The following MAD1L1 variants were observed in gnomAD, a reference collection of about 807,000 sequenced individuals.
The protein encoded by MAD1L1 is mitotic spindle assembly checkpoint protein MAD1.
MAD1L1 carries 95 observed loss-of-function variants against 96.9 expected under a neutral mutation model. The observed-to-expected ratio is 0.98, with a 90% CI of 0.83 to 1.16. The LOEUF (loss-of-function observed/expected upper bound fraction) is 1.16. Among genes scored for constraint, MAD1L1 ranks in the 50% most tolerant of loss-of-function variants. The probability of loss-of-function intolerance (pLI) is 0.00; values close to 1 mark genes in which losing one functional copy is unlikely to be tolerated. For synonymous variants in MAD1L1, 473 were observed against 396.6 expected (o/e 1.19, Z -2.29); for missense variants, 1,007 against 954.4 (o/e 1.06, Z -0.73).
intron 11 of MAD1L1, among the ~76,000 whole-genome samples, chr7:2,104,756 A>G (rs1036268540): frequency 1.3e-5 from 2 of 152,160 alleles, no homozygotes; most frequent in Admixed American, 6.5e-5. Flanking sequence ...CTTTGCCATG[A>G]AAGACCTCAC....
At chr7:1,897,355 G>A (rs1225051285) in intron 18 of MAD1L1, among the ~76,000 whole-genome samples, 1 of 152,220 alleles carries the variant, frequency 6.6e-6, no homozygotes, top group Non-Finnish European at 1.5e-5. Context: ...GCCCGTCTCT[G>A]CCTGTCCTCA....
chr7:1,937,746 G>A (rs78233435), intron 16 of MAD1L1, among the ~76,000 whole-genome samples: 1 of 1,904 alleles, frequency 5.3e-4, no homozygotes, highest in Non-Finnish European at 1.2e-3. Context: ...CCGACCTCAC[G>A]CCACACACAA....
intron 10 of MAD1L1, among the ~76,000 whole-genome samples, chr7:2,152,746 C>T (rs1385510841): frequency 6.6e-6 from 1 of 152,202 alleles, no homozygotes; most frequent in Non-Finnish European, 1.5e-5. Context: ...GTACAGTGCA[C>T]TGCTATTACC....
chr7:2,033,350 A>AGATGGATACTC (rs897271607), intron 12 of MAD1L1, among the ~76,000 whole-genome samples: 3 of 152,194 alleles, frequency 2.0e-5, no homozygotes, highest in Non-Finnish European at 4.4e-5. Context: ...AAAGGAAACA[A>AGATGGATACTC]GATGGATACT....
chr7:2,214,262 C>T (rs559983111), intron 9 of MAD1L1, among the ~76,000 whole-genome samples: 2 of 152,322 alleles, frequency 1.3e-5, no homozygotes, highest in Admixed American at 1.3e-4. Context: ...CCCAACTCTT[C>T]AACCATCAAA....
At chr7:1,954,476 G>C (rs1315796894) in intron 16 of MAD1L1, among the ~76,000 whole-genome samples, 1 of 152,132 alleles carries the variant, frequency 6.6e-6, no homozygotes, top group African/African-American at 2.4e-5. Flanking sequence ...TCTAGGCCTG[G>C]GGAAGAGCAC....
intron 11 of MAD1L1, among the ~76,000 whole-genome samples, chr7:2,081,376 C>T (rs1257866424): frequency 1.3e-5 from 2 of 152,228 alleles, no homozygotes. Flanking sequence ...AAAATCACAG[C>T]ATCCACGTAT....
intron 4 of MAD1L1, among the ~76,000 whole-genome samples, chr7:2,222,964 G>A (rs1206184458): frequency 1.3e-5 from 2 of 152,230 alleles, no homozygotes; most frequent in East Asian, 3.8e-4. Flanking sequence ...GGTGAGCACT[G>A]TGCGAGGTCA....
In MAD1L1 at chr7:2,220,857, G is replaced by A. The variant is rs768304626; in HGVS notation, c.472-1401C>T. 7.1e-5 allele frequency: 112 copies of A among 1,588,236 alleles called. No homozygotes were observed. In the Admixed American group the frequency reaches 7.5e-4, roughly 11 times the overall value. On this transcript the variant is annotated intron_variant, in intron 5 of 18. Coordinates refer to ENST00000265854, the MANE Select transcript of MAD1L1 (RefSeq NM_001013836.2). ...CTAACAATAAACACATCCTCCCAGA[G>A]GTCTTCCGAACTCAATTAATACGCA...
intron 12 of MAD1L1, among the ~76,000 whole-genome samples, chr7:2,060,215 T>C (rs28626060): frequency 1.4e-4 from 8 of 55,778 alleles, no homozygotes; most frequent in African/African-American, 4.2e-4. Flanking sequence ...AGATGCCAAG[T>C]TACGCCGATG....
chr7:1,960,135 A>G (rs927666944), intron 15 of MAD1L1, among the ~76,000 whole-genome samples: 1 of 152,138 alleles, frequency 6.6e-6, no homozygotes, highest in African/African-American at 2.4e-5. Context: ...TTAAAGATGT[A>G]TACTATATAC....
intron 10 of MAD1L1, among the ~76,000 whole-genome samples, chr7:2,184,165 T>C (rs1313267950): frequency 6.6e-6 from 1 of 151,768 alleles, no homozygotes; most frequent in East Asian, 1.9e-4. Flanking sequence ...GGCAGGAGAA[T>C]GGCATGAATC....
chr7:2,025,495 C>T (rs979520943), intron 12 of MAD1L1, among the ~76,000 whole-genome samples: 2 of 152,076 alleles, frequency 1.3e-5, no homozygotes, highest in African/African-American at 4.8e-5. Flanking sequence ...ATGTTCCGGA[C>T]CCCAAGAAAA....
At chr7:1,911,955 C>A (rs772051926) in intron 17 of MAD1L1, among the ~76,000 whole-genome samples, 19 of 152,268 alleles carry the variant, frequency 1.2e-4, no homozygotes, top group Non-Finnish European at 2.5e-4. Context: ...CCAACCCGCC[C>A]TCCATGCAGC....
Position 1,988,198 on chromosome 7 carries a change from G to A in MAD1L1, c.1417-7657C>T, listed in dbSNP as rs116605979. 9.2e-3 allele frequency among the ~76,000 whole-genome samples: 1,402 copies of A among 152,322 alleles called. 20 individuals carry two copies. Among genetic ancestry groups the A allele is most frequent in the African/African-American group, 0.032 (1,325 of 41,568 alleles). ...CTGGGGACAAGGAGAGGGCCCTGCT[G>A]AACGCTTCCTGACATGGCGGAGGGC... On this transcript the variant is annotated intron_variant, in intron 14 of 18. Transcript: ENST00000265854.
chr7:2,008,548 T>C (rs977098782), intron 13 of MAD1L1, among the ~76,000 whole-genome samples: 3 of 152,146 alleles, frequency 2.0e-5, no homozygotes, highest in Non-Finnish European at 2.9e-5. Context: ...GATGCGGAGA[T>C]GGTGGGATGG....
At chr7:2,061,713 C>T (rs971354692) in intron 12 of MAD1L1, among the ~76,000 whole-genome samples, 1 of 152,252 alleles carries the variant, frequency 6.6e-6, no homozygotes, top group African/African-American at 2.4e-5. Flanking sequence ...CGTGTTAAAA[C>T]GTCCACGTCA....
intron 17 of MAD1L1, among the ~76,000 whole-genome samples, chr7:1,907,765 CCT>C (rs1214836367): frequency 7.9e-5 from 12 of 152,384 alleles, no homozygotes; most frequent in African/African-American, 2.6e-4. Flanking sequence ...AAAACACATC[CCT>C]GTGTCGTCAA....
chr7:2,017,402 G>A (rs1028421360), intron 12 of MAD1L1, among the ~76,000 whole-genome samples: 7 of 152,210 alleles, frequency 4.6e-5, no homozygotes, highest in Admixed American at 3.3e-4. Flanking sequence ...ATCATGCAAC[G>A]AACGGCCATG....
Sources: allele counts gnomAD v4.1 joint callset (sites outside exome capture counted in the v4.1 genomes callset), GRCh38; gene constraint gnomAD v4.1.1; transcripts MANE v1.5; gene names NCBI Gene and HGNC (gene_info 2026-07-23, HGNC 2026-07-21).